Variants in EIF3H observed in about 807,000 individuals in gnomAD.
The protein encoded by EIF3H is eukaryotic translation initiation factor 3 subunit H.
A neutral mutation model predicts 44.2 loss-of-function variants in EIF3H; 26 were observed. The observed-to-expected ratio is 0.59, with a 90% CI of 0.43 to 0.82. The LOEUF (loss-of-function observed/expected upper bound fraction) is 0.82, where lower values mean the gene tolerates loss of function less well. Ranked by LOEUF, EIF3H falls within the 40% of genes least tolerant of loss-of-function variation. EIF3H has a pLI of 0.00. For synonymous variants in EIF3H, 166 were observed against 151.9 expected (o/e 1.09, Z -0.68); for missense variants, 359 against 432.8 (o/e 0.83, Z 1.51).
chr8:116,715,056 G>A (rs1814639650), intron 2 of EIF3H, among the ~76,000 whole-genome samples: 1 of 152,002 alleles, frequency 6.6e-6, no homozygotes, highest in African/African-American at 2.4e-5. Flanking sequence ...TGCACAGAGA[G>A]CACTGCAAAT....
chr8:116,659,936 G>A (rs1191872501), intron 2 of EIF3H, among the ~76,000 whole-genome samples: 2 of 152,056 alleles, frequency 1.3e-5, no homozygotes, highest in African/African-American at 4.8e-5. Context: ...GCCCAGGCTG[G>A]AGTACAATGG....
intron 5 of EIF3H, 56 bp downstream of exon 5, chr8:116,655,800 G>T: frequency 1.1e-5 from 17 of 1,575,668 alleles, no homozygotes; most frequent in Non-Finnish European, 1.4e-5. Context: ...TTATGTGAAA[G>T]AATCTTTTGC....
rs563265449 is a variant in EIF3H, at chr8:116,673,746, T to C, written c.290-14766A>G. ...AAAAGCAGGGTCAGACTTAAGCTCA[T>C]GCCACACGTTTTTCATTCAGCACAC... On this transcript the variant is annotated intron_variant, in intron 2 of 7. Coordinates refer to ENST00000521861, the MANE Select transcript of EIF3H (RefSeq NM_003756.3). Among the ~76,000 whole-genome samples the C allele has an allele frequency of 7.2e-5, 11 of 152,246 alleles. No individual in the cohort carries two copies. In the South Asian group the frequency reaches 2.3e-3, roughly 32 times the overall value.
upstream of EIF3H, among the ~76,000 whole-genome samples, chr8:116,758,674 C>A (rs1385900426): frequency 1.3e-5 from 2 of 152,032 alleles, no homozygotes; most frequent in Non-Finnish European, 2.9e-5. Context: ...GTTCTCAAAT[C>A]ACAATAGATT....
At chr8:116,733,151 A>AT (rs1289726741) in intron 1 of EIF3H, among the ~76,000 whole-genome samples, 1 of 152,198 alleles carries the variant, frequency 6.6e-6, no homozygotes, top group Non-Finnish European at 1.5e-5. Context: ...TTATCACTTT[A>AT]TTATAAAGGA....
intron 1 of EIF3H, among the ~76,000 whole-genome samples, chr8:116,746,074 G>A (rs1004044002): frequency 5.9e-5 from 9 of 152,202 alleles, no homozygotes; most frequent in Non-Finnish European, 1.2e-4. Context: ...CTTAATATGT[G>A]AACTCAGCAG....
intron 1 of EIF3H, among the ~76,000 whole-genome samples, chr8:116,749,574 C>T (rs1815294059): frequency 6.6e-6 from 1 of 152,202 alleles, no homozygotes; most frequent in African/African-American, 2.4e-5. Context: ...GAAGAATTAG[C>T]TTGATCTTGT....
chr8:116,755,592 G>GA, intron 1 of EIF3H, 74 bp downstream of exon 1: 2 of 1,595,500 alleles, frequency 1.3e-6, no homozygotes, highest in African/African-American at 2.7e-5. Context: ...GAGAATGCTA[G>GA]AAAGTACGTC....
chr8:116,754,965 TA>T (rs1815415777), intron 1 of EIF3H, among the ~76,000 whole-genome samples: 1 of 152,234 alleles, frequency 6.6e-6, no homozygotes, highest in Non-Finnish European at 1.5e-5. Context: ...AGGATACTTT[TA>T]AAACTAGAAC....
intron 2 of EIF3H, among the ~76,000 whole-genome samples, chr8:116,669,441 G>C (rs1005029612): frequency 1.3e-5 from 2 of 152,190 alleles, no homozygotes; most frequent in African/African-American, 4.8e-5. Context: ...AAGAGCAGTG[G>C]GGATGGGAAA....
chr8:116,739,604 G>C (rs1392075987), intron 1 of EIF3H, among the ~76,000 whole-genome samples: 1 of 152,136 alleles, frequency 6.6e-6, no homozygotes, highest in African/African-American at 2.4e-5. Flanking sequence ...GAGCCGAGAT[G>C]GTGCCACTGC....
At chr8:116,672,020 T>G (rs979915281) in intron 2 of EIF3H, among the ~76,000 whole-genome samples, 8 of 152,238 alleles carry the variant, frequency 5.3e-5, no homozygotes, top group Non-Finnish European at 1.0e-4. Context: ...AATTTTTAAT[T>G]TATTCCAAAT....
At chr8:116,731,639 T>G (rs955585556) in intron 1 of EIF3H, among the ~76,000 whole-genome samples, 4 of 152,160 alleles carry the variant, frequency 2.6e-5, no homozygotes, top group Non-Finnish European at 5.9e-5. Context: ...CAAGCCCTAG[T>G]TGGAACAATC....
chr8:116,673,024 A>C (rs540893417), intron 2 of EIF3H, among the ~76,000 whole-genome samples: 58 of 148,666 alleles, frequency 3.9e-4, no homozygotes, highest in African/African-American at 6.7e-4. Flanking sequence ...AAAAAAAAAA[A>C]CACCACAAAA....
intron 5 of EIF3H, among the ~76,000 whole-genome samples, chr8:116,650,460 T>C (rs1813370385): frequency 1.3e-5 from 2 of 152,220 alleles, no homozygotes; most frequent in East Asian, 1.9e-4. Flanking sequence ...TGTTAATAGC[T>C]ACATTATTCT....
At chr8:116,690,501 C>A (rs1258058374) in intron 2 of EIF3H, among the ~76,000 whole-genome samples, 1 of 152,090 alleles carries the variant, frequency 6.6e-6, no homozygotes, top group Non-Finnish European at 1.5e-5. Context: ...TCATGACCAG[C>A]TGGGGCAACA....
chr8:116,650,648 A>G (rs1445767407), intron 5 of EIF3H, among the ~76,000 whole-genome samples: 2 of 152,196 alleles, frequency 1.3e-5, no homozygotes, highest in Admixed American at 1.3e-4. Context: ...GGTAGACACA[A>G]AAGGCTGCTT....
intron 2 of EIF3H, among the ~76,000 whole-genome samples, chr8:116,711,927 T>A (rs1814577835): frequency 6.6e-6 from 1 of 151,148 alleles, no homozygotes; most frequent in African/African-American, 2.5e-5. Context: ...GTAGCAGAAA[T>A]GTAGGTAAGC....
intron 2 of EIF3H, among the ~76,000 whole-genome samples, chr8:116,699,931 C>A (rs1814343337): frequency 6.6e-6 from 1 of 152,084 alleles, no homozygotes; most frequent in Non-Finnish European, 1.5e-5. Flanking sequence ...GTGCCTCAGC[C>A]TTCCGAGAGC....
Sources: allele counts gnomAD v4.1 joint callset (sites outside exome capture counted in the v4.1 genomes callset), GRCh38; gene constraint gnomAD v4.1.1; transcripts MANE v1.5; gene names NCBI Gene and HGNC (gene_info 2026-07-23, HGNC 2026-07-21).